The following AGBL4 variants were observed in gnomAD, a reference collection of about 807,000 sequenced individuals.
AGBL4 encodes AGBL carboxypeptidase 4.
A neutral mutation model predicts 66.4 loss-of-function variants in AGBL4; 58 were observed. The ratio of observed to expected loss-of-function variants is 0.87; its 90% CI spans 0.71 to 1.09. AGBL4 has a LOEUF of 1.09. AGBL4 is among the 50% of genes least tolerant of loss of function. The pLI is 0.00. For synonymous variants in AGBL4, 234 were observed against 222.9 expected, an observed-to-expected ratio of 1.05 and a Z score of -0.44; for missense variants, 579 against 631.0, an observed-to-expected ratio of 0.92 and a Z score of 0.88.
At chr1:49,204,034 A>C (rs2148236473) in intron 4 of AGBL4, among the ~76,000 whole-genome samples, 1 of 152,258 alleles carries the variant, frequency 6.6e-6, no homozygotes, top group East Asian at 1.9e-4. Context: ...GAGAAAAGCA[A>C]GGTAGACAGG....
intron 6 of AGBL4, among the ~76,000 whole-genome samples, chr1:48,681,951 G>T (rs901396714): frequency 6.6e-6 from 1 of 152,244 alleles, no homozygotes; most frequent in African/African-American, 2.4e-5. Context: ...GCTGTATGAG[G>T]AGACAGGGCT....
At chr1:49,243,746 A>G (rs1651419223) in intron 4 of AGBL4, among the ~76,000 whole-genome samples, 1 of 151,814 alleles carries the variant, frequency 6.6e-6, no homozygotes, top group Non-Finnish European at 1.5e-5. Flanking sequence ...GGAAACTCTG[A>G]AGCAATGTAA....
chr1:49,876,009 T>C (rs1415128391), intron 1 of AGBL4, among the ~76,000 whole-genome samples: 2 of 146,858 alleles, frequency 1.4e-5, no homozygotes, highest in Admixed American at 6.9e-5. Flanking sequence ...GGGTTGTTTG[T>C]TTTTTCCTTG....
At chr1:49,845,620 C>G in intron 2 of AGBL4, 1 of 1,607,536 alleles carries the variant, frequency 6.2e-7, no homozygotes, top group Non-Finnish European at 8.5e-7. Context: ...CCAGATCACA[C>G]CACTGATTCA....
chr1:49,716,561 T>G (rs1648156356), intron 2 of AGBL4, among the ~76,000 whole-genome samples: 1 of 151,914 alleles, frequency 6.6e-6, no homozygotes, highest in Non-Finnish European at 1.5e-5. Flanking sequence ...CACAAGCACA[T>G]CAAAAAGCTT....
intron 3 of AGBL4, among the ~76,000 whole-genome samples, chr1:49,523,711 T>C (rs1650439005): frequency 6.6e-6 from 1 of 152,086 alleles, no homozygotes; most frequent in South Asian, 2.1e-4. Flanking sequence ...ATCAGATAAC[T>C]TCATCATATT....
At chr1:49,198,592 A>G (rs941061480) in intron 4 of AGBL4, among the ~76,000 whole-genome samples, 10 of 152,072 alleles carry the variant, frequency 6.6e-5, no homozygotes, top group Admixed American at 4.6e-4. Context: ...CATCCACCTC[A>G]GCCTCCCAAA....
chr1:49,184,147 C>T (rs998611275), intron 4 of AGBL4, among the ~76,000 whole-genome samples: 2 of 152,118 alleles, frequency 1.3e-5, no homozygotes, highest in African/African-American at 2.4e-5. Context: ...TACATACTGA[C>T]CCTCTGATAT....
chr1:48,960,569 C>A (rs1350323383), intron 5 of AGBL4, among the ~76,000 whole-genome samples: 1 of 151,926 alleles, frequency 6.6e-6, no homozygotes, highest in Non-Finnish European at 1.5e-5. Context: ...ATCTAGAGAT[C>A]AAGGGAATGA....
chr1:49,373,956 T>G (rs958093533), intron 3 of AGBL4, among the ~76,000 whole-genome samples: 2 of 152,246 alleles, frequency 1.3e-5, no homozygotes, highest in East Asian at 1.9e-4. Flanking sequence ...ATTGAAGGCA[T>G]GCTTTTTAAT....
At chr1:49,173,535 T>G (rs1431910604) in intron 4 of AGBL4, among the ~76,000 whole-genome samples, 2 of 152,204 alleles carry the variant, frequency 1.3e-5, no homozygotes, top group East Asian at 3.9e-4. Flanking sequence ...TTCTAGTTGG[T>G]AGGAATACAG....
intron 3 of AGBL4, among the ~76,000 whole-genome samples, chr1:49,480,438 T>C (rs1646932735): frequency 6.6e-6 from 1 of 152,122 alleles, no homozygotes; most frequent in Non-Finnish European, 1.5e-5. Context: ...ATGTCTTCTT[T>C]TGAGAAGTAT....
At chr1:49,111,421 GA>G (rs1391110276) in intron 4 of AGBL4, among the ~76,000 whole-genome samples, 1 of 152,146 alleles carries the variant, frequency 6.6e-6, no homozygotes, top group Non-Finnish European at 1.5e-5. Context: ...CCAATTCCTT[GA>G]ATTCTATATA....
intron 5 of AGBL4, among the ~76,000 whole-genome samples, chr1:49,030,633 T>C (rs1664132859): frequency 6.6e-6 from 1 of 151,996 alleles, no homozygotes; most frequent in Non-Finnish European, 1.5e-5. Context: ...GTGCTCCTTA[T>C]GAGGATCTAA....
intron 1 of AGBL4, among the ~76,000 whole-genome samples, chr1:49,928,524 C>T (rs968838167): frequency 6.6e-6 from 1 of 152,144 alleles, no homozygotes; most frequent in African/African-American, 2.4e-5. Flanking sequence ...GCTGAGATTA[C>T]AGGCGTGAGC....
intron 4 of AGBL4, among the ~76,000 whole-genome samples, chr1:49,050,336 T>G (rs1381347724): frequency 6.6e-6 from 1 of 152,102 alleles, no homozygotes; most frequent in Non-Finnish European, 1.5e-5. Flanking sequence ...TATTATAACT[T>G]CTATCTCATT....
At chr1:49,172,360 G>A (rs1172461799) in intron 4 of AGBL4, among the ~76,000 whole-genome samples, 1 of 152,238 alleles carries the variant, frequency 6.6e-6, no homozygotes, top group Non-Finnish European at 1.5e-5. Flanking sequence ...GCCAGGATGA[G>A]CCAGATGTGT....
intron 5 of AGBL4, among the ~76,000 whole-genome samples, chr1:48,955,951 C>G (rs545371281): frequency 6.6e-6 from 1 of 152,212 alleles, no homozygotes; most frequent in Non-Finnish European, 1.5e-5. Context: ...ATTATTATTA[C>G]CTTGCTAGAC....
chr1:49,566,304 A>G (rs1315429266), intron 3 of AGBL4, among the ~76,000 whole-genome samples: 2 of 152,132 alleles, frequency 1.3e-5, no homozygotes, highest in East Asian at 1.9e-4. Flanking sequence ...TCAATTCATC[A>G]AAGTTACACT....
Sources: allele counts gnomAD v4.1 joint callset (sites outside exome capture counted in the v4.1 genomes callset), GRCh38; gene constraint gnomAD v4.1.1; transcripts MANE v1.5; gene names NCBI Gene and HGNC (gene_info 2026-07-23, HGNC 2026-07-21).